IMMP2L: variants seen among roughly 807,000 people sequenced by gnomAD.
IMMP2L encodes the protein mitochondrial inner membrane protease subunit 2.
Under a neutral mutation model 19.3 loss-of-function variants are expected in IMMP2L, and 18 were observed. The observed-to-expected ratio is 0.93, with a 90% CI of 0.64 to 1.38. The LOEUF (loss-of-function observed/expected upper bound fraction) is 1.38, where lower values mean the gene tolerates loss of function less well. Among genes scored for constraint, IMMP2L ranks in the 40% most tolerant of loss-of-function variants. IMMP2L has a pLI of 0.00. For synonymous variants in IMMP2L, 76 were observed against 73.0 expected, an observed-to-expected ratio of 1.04 and a Z score of -0.21; for missense variants, 233 against 218.2, an observed-to-expected ratio of 1.07 and a Z score of -0.43.
intron 3 of IMMP2L, among the ~76,000 whole-genome samples, chr7:111,413,658 A>T (rs1414567835): frequency 7.5e-6 from 1 of 133,900 alleles, no homozygotes; most frequent in Non-Finnish European, 1.6e-5. Context: ...CTCAGTCCTA[A>T]TTTAAGAAAA....
Position 110,899,325 on chromosome 7 carries a change from A to G in IMMP2L, c.306-12630T>C, listed in dbSNP as rs1418900910. On this transcript the variant is annotated intron_variant, in intron 4 of 5. Coordinates refer to ENST00000405709, the MANE Select transcript of IMMP2L (RefSeq NM_032549.4). Reference sequence around the variant, plus strand: ...ATAATAGAGCTACCTTATCAAAGTCAGCAAAGATTAGTTTGCTATTATCAT... The same window carrying G: ...ATAATAGAGCTACCTTATCAAAGTCGGCAAAGATTAGTTTGCTATTATCAT... Among the ~76,000 whole-genome samples, 3 of 152,178 alleles carry G rather than the reference A, an allele frequency of 2.0e-5. No homozygotes were observed. The East Asian group carries it at 5.8e-4, about 29-fold the overall frequency.
intron 3 of IMMP2L, among the ~76,000 whole-genome samples, chr7:111,047,116 G>T (rs1420673801): frequency 6.6e-6 from 1 of 151,998 alleles, no homozygotes; most frequent in Non-Finnish European, 1.5e-5. Context: ...CGTTACCTCT[G>T]CTGGGAATGT....
intron 3 of IMMP2L, among the ~76,000 whole-genome samples, chr7:111,324,161 C>T (rs1162541933): frequency 1.3e-5 from 2 of 151,674 alleles, no homozygotes; most frequent in Non-Finnish European, 2.9e-5. Flanking sequence ...AAAGCTGGTT[C>T]TTTGAAACAC....
chr7:110,894,625 A>G (rs1459721780), intron 4 of IMMP2L, among the ~76,000 whole-genome samples: 1 of 152,142 alleles, frequency 6.6e-6, no homozygotes, highest in Non-Finnish European at 1.5e-5. Context: ...TGTATTAGAT[A>G]TGTTTTGTAA....
chr7:111,139,306 C>CA (rs1430265087), intron 3 of IMMP2L, among the ~76,000 whole-genome samples: 2 of 151,854 alleles, frequency 1.3e-5, no homozygotes, highest in South Asian at 2.1e-4. Context: ...TAACAAACTA[C>CA]AAAAAACAGG....
intron 3 of IMMP2L, among the ~76,000 whole-genome samples, chr7:111,170,022 C>T (rs771363384): frequency 1.2e-4 from 18 of 151,854 alleles, no homozygotes; most frequent in Non-Finnish European, 2.1e-4. Context: ...TTTGTAATAG[C>T]ACATCTATAT....
chr7:110,853,126 A>G (rs1806412163), intron 5 of IMMP2L, among the ~76,000 whole-genome samples: 1 of 152,034 alleles, frequency 6.6e-6, no homozygotes, highest in African/African-American at 2.4e-5. Flanking sequence ...ACACACGCAT[A>G]TATCTGAGTA....
chr7:110,890,219 G>C (rs1046254268), intron 4 of IMMP2L, among the ~76,000 whole-genome samples: 1 of 151,970 alleles, frequency 6.6e-6, no homozygotes, highest in Non-Finnish European at 1.5e-5. Flanking sequence ...AAACTTACAT[G>C]TAAAAACACT....
At chr7:110,837,261 G>T (rs1412814519) in intron 5 of IMMP2L, among the ~76,000 whole-genome samples, 2 of 151,988 alleles carry the variant, frequency 1.3e-5, no homozygotes, top group Non-Finnish European at 2.9e-5. Context: ...CAGAATATGT[G>T]TATGGTATTC....
intron 3 of IMMP2L, among the ~76,000 whole-genome samples, chr7:111,306,587 CATTG>C (rs1822894074): frequency 6.7e-6 from 1 of 148,498 alleles, no homozygotes; most frequent in African/African-American, 2.5e-5. Context: ...TATGAGATCA[CATTG>C]ATTATCACTG....
chr7:111,097,428 T>C (rs1281144669), intron 3 of IMMP2L: 1 of 151,932 alleles, frequency 6.6e-6, no homozygotes, highest in Non-Finnish European at 1.5e-5. Flanking sequence ...TCTAAAATTA[T>C]CAAATTAATA....
At chr7:111,274,839 A>G (rs2130419531) in intron 3 of IMMP2L, among the ~76,000 whole-genome samples, 1 of 152,298 alleles carries the variant, frequency 6.6e-6, no homozygotes, top group Middle Eastern at 3.4e-3. Context: ...TTCCCAACAG[A>G]AAGAGTAATA....
intron 3 of IMMP2L, among the ~76,000 whole-genome samples, chr7:111,272,381 A>G (rs1388675500): frequency 2.0e-5 from 3 of 152,122 alleles, no homozygotes; most frequent in Admixed American, 2.0e-4. Context: ...ACCTTTCCTG[A>G]TTCCCCAAAA....
intron 3 of IMMP2L, among the ~76,000 whole-genome samples, chr7:111,066,167 G>A (rs977756869): frequency 6.6e-6 from 1 of 151,842 alleles, no homozygotes; most frequent in Non-Finnish European, 1.5e-5. Flanking sequence ...TTTAAAAGTA[G>A]AGATGGGGCT....
intron 5 of IMMP2L, among the ~76,000 whole-genome samples, chr7:110,832,113 T>C (rs1259317552): frequency 1.3e-5 from 2 of 152,034 alleles, no homozygotes; most frequent in African/African-American, 4.8e-5. Flanking sequence ...ATACAAAAAA[T>C]TAGCTGGGTG....
intron 3 of IMMP2L, among the ~76,000 whole-genome samples, chr7:110,972,634 A>G (rs766376722): frequency 6.6e-6 from 1 of 152,060 alleles, no homozygotes; most frequent in Non-Finnish European, 1.5e-5. Flanking sequence ...GAAAGATCAT[A>G]AGGGAACTTT....
In IMMP2L at chr7:111,512,457, C is replaced by T. The variant is rs537143412; in HGVS notation, c.135+8856G>A. 1.5e-3 allele frequency among the ~76,000 whole-genome samples: 213 copies of T among 143,624 alleles called. 1 individual carries two copies. Among genetic ancestry groups the T allele is most frequent in the African/African-American group, 5.8e-3 (205 of 35,622 alleles). 94.2% of individuals were successfully genotyped at this position (143,624 alleles called of 152,430 possible). ...GGGTTATGGTAATGATTGCATGACT[C>T]CATAAGTTTACTTTTAATACTATTT... On this transcript the variant is annotated intron_variant, in intron 2 of 5. Transcript: ENST00000405709.
chr7:111,450,797 C>T (rs1171328034), intron 3 of IMMP2L, among the ~76,000 whole-genome samples: 1 of 150,866 alleles, frequency 6.6e-6, no homozygotes, highest in Admixed American at 6.6e-5. Flanking sequence ...AGAAAATTTT[C>T]ACAACCTACT....
At chr7:111,375,792 A>G (rs935685312) in intron 3 of IMMP2L, among the ~76,000 whole-genome samples, 5 of 152,070 alleles carry the variant, frequency 3.3e-5, no homozygotes, top group African/African-American at 1.2e-4. Context: ...CCAAAGTGCT[A>G]GGCTTACAGG....
Sources: gnomAD v4.1 joint callset for allele counts (sites outside exome capture counted in the v4.1 genomes callset) on GRCh38, gnomAD v4.1.1 for gene constraint, MANE v1.5 for transcripts, NCBI Gene and HGNC (gene_info 2026-07-23, HGNC 2026-07-21) for gene names.